The following WDR70 variants were observed in gnomAD, a reference collection of about 807,000 sequenced individuals.
WDR70 encodes WD repeat-containing protein 70.
A neutral mutation model predicts 88.6 loss-of-function variants in WDR70; 53 were observed. The observed-to-expected ratio is 0.60, with a 90% CI of 0.48 to 0.75. WDR70 has a LOEUF of 0.75. Ranked by LOEUF, WDR70 falls within the 30% of genes least tolerant of loss-of-function variation. WDR70 has a pLI of 0.00. For missense variants in WDR70, 610 were observed against 823.2 expected (o/e 0.74, Z 3.17); for synonymous variants, 280 against 270.0 (o/e 1.04, Z -0.36).
In WDR70 at chr5:37,741,884, A is replaced by G. The variant is rs1423968906; in HGVS notation, c.1878-10602A>G. On this transcript the variant is annotated intron_variant, in intron 17 of 17. Coordinates refer to ENST00000265107, the MANE Select transcript of WDR70 (RefSeq NM_018034.4). ...GTTTTTGTCTTTCTGTGACTGGCCAATTTCACTTAGCATACTGTCTTCAGG... is the reference window on the plus strand; with the variant it reads ...GTTTTTGTCTTTCTGTGACTGGCCAGTTTCACTTAGCATACTGTCTTCAGG... Among the ~76,000 whole-genome samples the G allele has an allele frequency of 2.6e-5, 4 of 152,132 alleles. No individual in the cohort carries two copies. In the East Asian group the frequency reaches 5.8e-4, roughly 22 times the overall value.
At chr5:37,679,748 A>G (rs1746365280) in intron 10 of WDR70, among the ~76,000 whole-genome samples, 1 of 152,194 alleles carries the variant, frequency 6.6e-6, no homozygotes, top group Non-Finnish European at 1.5e-5. Context: ...TGGGAGAACC[A>G]CTGGTCTCTT....
intron 7 of WDR70, 55 bp from the exon 8 acceptor site, chr5:37,479,779 A>C (rs1739603179): frequency 6.5e-7 from 1 of 1,534,628 alleles, no homozygotes; most frequent in African/African-American, 1.4e-5. Context: ...TAATGTAGTA[A>C]AATTATAAAC....
intron 10 of WDR70, among the ~76,000 whole-genome samples, chr5:37,660,014 G>A (rs911698101): frequency 5.9e-5 from 9 of 152,092 alleles, no homozygotes; most frequent in African/African-American, 1.9e-4. Context: ...TTCTACTTTT[G>A]TGATTTATTT....
intron 8 of WDR70, among the ~76,000 whole-genome samples, chr5:37,499,134 G>A (rs1740318841): frequency 6.7e-6 from 1 of 149,206 alleles, no homozygotes; most frequent in African/African-American, 2.5e-5. Flanking sequence ...TTTTTTTTGA[G>A]ATGAAGTCTT....
At chr5:37,385,323 A>G (rs1205999201) in intron 3 of WDR70, among the ~76,000 whole-genome samples, 1 of 151,942 alleles carries the variant, frequency 6.6e-6, no homozygotes, top group East Asian at 1.9e-4. Flanking sequence ...AGTTTGAGAT[A>G]AACCTGGGCT....
intron 5 of WDR70, among the ~76,000 whole-genome samples, chr5:37,410,239 A>G (rs578156898): frequency 1.2e-4 from 15 of 129,200 alleles, no homozygotes; most frequent in African/African-American, 4.5e-4. Flanking sequence ...AGGTCTTCCC[A>G]TGTTGCCAAG....
intron 5 of WDR70, among the ~76,000 whole-genome samples, chr5:37,413,940 G>A (rs911946233): frequency 6.6e-6 from 1 of 151,910 alleles, no homozygotes; most frequent in African/African-American, 2.4e-5. Context: ...GAGATTGGTA[G>A]TTCGAGACCA....
intron 5 of WDR70, among the ~76,000 whole-genome samples, chr5:37,402,482 G>T (rs1324196976): frequency 1.3e-5 from 2 of 151,830 alleles, no homozygotes; most frequent in African/African-American, 4.8e-5. Flanking sequence ...GGGATTGCTG[G>T]ATTATGACAG....
chr5:37,517,520 A>T (rs1740925207), intron 9 of WDR70, among the ~76,000 whole-genome samples: 2 of 152,034 alleles, frequency 1.3e-5, no homozygotes, highest in South Asian at 4.1e-4. Flanking sequence ...GGCATGCATC[A>T]CCACACCAGG....
intron 5 of WDR70, among the ~76,000 whole-genome samples, chr5:37,436,791 G>T (rs1242553442): frequency 6.6e-6 from 1 of 152,004 alleles, no homozygotes; most frequent in African/African-American, 2.4e-5. Context: ...TTTTACTATG[G>T]TAAGTATTAA....
At chr5:37,712,417 CACAGATTTACT>C (rs1747540932) in intron 13 of WDR70, among the ~76,000 whole-genome samples, 1 of 152,170 alleles carries the variant, frequency 6.6e-6, no homozygotes, top group Admixed American at 6.5e-5. Flanking sequence ...TTAGAGGAAA[CACAGATTTACT>C]GCAGATGCTT....
chr5:37,543,978 G>T (rs1741909901), intron 9 of WDR70, among the ~76,000 whole-genome samples: 1 of 152,078 alleles, frequency 6.6e-6, no homozygotes, highest in Admixed American at 6.6e-5. Flanking sequence ...CACCATGTTG[G>T]CCAGTCTGGT....
intron 5 of WDR70, among the ~76,000 whole-genome samples, chr5:37,428,020 T>C (rs1750187780): frequency 6.6e-6 from 1 of 152,028 alleles, no homozygotes; most frequent in African/African-American, 2.4e-5. Context: ...TTTTTTTTTT[T>C]TCCCTGCTGT....
At chr5:37,564,013 C>T (rs1264804405) in intron 9 of WDR70, among the ~76,000 whole-genome samples, 10 of 149,684 alleles carry the variant, frequency 6.7e-5, no homozygotes, top group Admixed American at 2.7e-4. Flanking sequence ...GGGATGGCGG[C>T]CGGGCAGAGA....
At chr5:37,408,368 G>C (rs1303780238) in intron 5 of WDR70, among the ~76,000 whole-genome samples, 2 of 152,098 alleles carry the variant, frequency 1.3e-5, no homozygotes, top group African/African-American at 2.4e-5. Context: ...CAGCTACTCA[G>C]GAGACTGAGG....
intron 10 of WDR70, among the ~76,000 whole-genome samples, chr5:37,673,946 TC>T (rs1186739387): frequency 6.6e-6 from 1 of 152,150 alleles, no homozygotes; most frequent in Non-Finnish European, 1.5e-5. Context: ...AAGGACATTA[TC>T]TTCTTCATTT....
At chr5:37,725,534 A>C (rs1051749129) in intron 16 of WDR70, among the ~76,000 whole-genome samples, 2 of 152,140 alleles carry the variant, frequency 1.3e-5, no homozygotes, top group African/African-American at 4.8e-5. Flanking sequence ...AGTAGGTACC[A>C]GAAGAAAGCC....
intron 12 of WDR70, 127 bp from the exon 13 acceptor site, chr5:37,702,822 T>C: frequency 4.6e-6 from 4 of 875,162 alleles, no homozygotes; most frequent in Non-Finnish European, 6.6e-6. Flanking sequence ...CAAATTAATA[T>C]AAGTGCTTGA....
At chr5:37,489,290 G>A (rs1739990037) in intron 8 of WDR70, among the ~76,000 whole-genome samples, 1 of 152,194 alleles carries the variant, frequency 6.6e-6, no homozygotes, top group Non-Finnish European at 1.5e-5. Flanking sequence ...GGCTTTTTGA[G>A]GTGCCAGTAG....
Sources: allele counts gnomAD v4.1 joint callset (sites outside exome capture counted in the v4.1 genomes callset), GRCh38; gene constraint gnomAD v4.1.1; transcripts MANE v1.5; gene names NCBI Gene and HGNC (gene_info 2026-07-23, HGNC 2026-07-21).